PDE10A: variants seen among roughly 807,000 people sequenced by gnomAD.
PDE10A encodes cAMP and cAMP-inhibited cGMP 3',5'-cyclic phosphodiesterase 10A.
PDE10A carries 39 observed loss-of-function variants against 97.7 expected under a neutral mutation model. That is an observed-to-expected ratio of 0.40 (90% CI 0.31 to 0.52). The LOEUF (loss-of-function observed/expected upper bound fraction) is 0.52, where lower values mean the gene tolerates loss of function less well. PDE10A is among the 20% of genes least tolerant of loss of function. The pLI is 0.56. For missense variants in PDE10A, 731 were observed against 1,047.8 expected (o/e 0.70, Z 4.17); for synonymous variants, 371 against 376.8 (o/e 0.98, Z 0.18).
intron 1 of PDE10A, among the ~76,000 whole-genome samples, chr6:165,601,625 C>T (rs1786956176): frequency 6.6e-6 from 1 of 152,174 alleles, no homozygotes; most frequent in Admixed American, 6.5e-5. Flanking sequence ...CCACAGCCCC[C>T]TGAAGTTTTC....
chr6:165,649,376 A>G (rs561684572), intron 1 of PDE10A, among the ~76,000 whole-genome samples: 1 of 152,250 alleles, frequency 6.6e-6, no homozygotes, highest in South Asian at 2.1e-4. Context: ...CAGTGAGGGG[A>G]CAGCAAAGAG....
chr6:165,545,335 A>C (rs1583510957), intron 1 of PDE10A: 1 of 372,386 alleles, frequency 2.7e-6, no homozygotes, highest in Non-Finnish European at 5.1e-6. Context: ...AGTCAAAACT[A>C]TATGAGTTAT....
chr6:165,334,110 T>C (rs1365651983), intron 21 of PDE10A, among the ~76,000 whole-genome samples: 1 of 152,250 alleles, frequency 6.6e-6, no homozygotes, highest in African/African-American at 2.4e-5. Flanking sequence ...TATGTTTCCT[T>C]GGACACCGAT....
chr6:165,346,199 T>C (rs373961396), intron 18 of PDE10A, among the ~76,000 whole-genome samples: 8 of 152,106 alleles, frequency 5.3e-5, no homozygotes, highest in African/African-American at 1.2e-4. Context: ...AGATGACTCA[T>C]AGACCTGTGA....
At chr6:165,648,118 T>C (rs1789497740) in intron 1 of PDE10A, among the ~76,000 whole-genome samples, 2 of 152,218 alleles carry the variant, frequency 1.3e-5, no homozygotes, top group Non-Finnish European at 2.9e-5. Context: ...GTTCACGCCA[T>C]TCTCCTGCCT....
intron 1 of PDE10A, among the ~76,000 whole-genome samples, chr6:165,678,014 T>C (rs1289274538): frequency 6.6e-6 from 1 of 151,678 alleles, no homozygotes; most frequent in East Asian, 1.9e-4. Flanking sequence ...TGTGTGTTTG[T>C]GTATGTGTAG....
At chr6:165,715,326 A>T (rs757212987) in intron 1 of PDE10A, among the ~76,000 whole-genome samples, 4 of 152,250 alleles carry the variant, frequency 2.6e-5, no homozygotes, top group Non-Finnish European at 4.4e-5. Flanking sequence ...GATAAAAAAC[A>T]TTAGTCCTAG....
chr6:165,405,086 A>T (rs200870661), intron 13 of PDE10A, among the ~76,000 whole-genome samples: 25 of 118,082 alleles, frequency 2.1e-4, no homozygotes, highest in East Asian at 6.8e-4. Flanking sequence ...GGAACAAATT[A>T]AAAAAAAAAT....
chr6:165,704,679 T>C (rs1791664398), intron 1 of PDE10A, among the ~76,000 whole-genome samples: 1 of 152,240 alleles, frequency 6.6e-6, no homozygotes, highest in African/African-American at 2.4e-5. Context: ...CAGTTAAGTT[T>C]TGTGAGCAGG....
At chr6:165,668,843 G>A (rs1375200868) in intron 1 of PDE10A, among the ~76,000 whole-genome samples, 1 of 152,138 alleles carries the variant, frequency 6.6e-6, no homozygotes, top group Admixed American at 6.5e-5. Context: ...TCACATGGGT[G>A]AAGTGTTCTG....
intron 1 of PDE10A, among the ~76,000 whole-genome samples, chr6:165,585,296 T>G (rs1785842211): frequency 6.6e-6 from 1 of 152,204 alleles, no homozygotes; most frequent in African/African-American, 2.4e-5. Flanking sequence ...GTGCCAAGTT[T>G]ACAGGGGGTG....
chr6:165,608,155 A>G (rs1787313526), intron 1 of PDE10A, among the ~76,000 whole-genome samples: 1 of 150,970 alleles, frequency 6.6e-6, no homozygotes, highest in Non-Finnish European at 1.5e-5. Context: ...GTACATGTGC[A>G]CAACGTGCAG....
chr6:165,336,568 T>C (rs1185155133), intron 20 of PDE10A, among the ~76,000 whole-genome samples: 3 of 151,398 alleles, frequency 2.0e-5, no homozygotes, highest in Non-Finnish European at 1.5e-5. Flanking sequence ...GCTAACAAGG[T>C]GAAACCCCGT....
chr6:165,739,596 A>G lies in PDE10A; in HGVS notation c.-614-196028T>C, dbSNP rs139794137. Among the ~76,000 whole-genome samples the G allele has an allele frequency of 1.7e-3, 254 of 151,968 alleles. 1 individual carries two copies. Among genetic ancestry groups the G allele is most frequent in the African/African-American group, 5.7e-3 (238 of 41,508 alleles). On this transcript the variant is annotated intron_variant, in intron 1 of 19. Transcript: ENST00000366882. ...TCTGGGCTATGATTTTTTTTTTCAT[A>G]TGACCCCAAAATCACAGGCAACAAA...
At chr6:165,691,205 A>C (rs141643641) in intron 1 of PDE10A, among the ~76,000 whole-genome samples, 74 of 115,702 alleles carry the variant, frequency 6.4e-4, no homozygotes, top group African/African-American at 2.5e-3. Context: ...CTCTCTCCCC[A>C]CACACACACA....
rs34975556 is a variant in PDE10A, at chr6:165,367,331, G to GA, written c.2783+11862dup. On this transcript the variant is annotated intron_variant, in intron 18 of 21. Transcript: ENST00000539869. ...AACTACAGATTGGACAGAATATTAG[G>GA]AAAAAAAACAGTGAGATTAGACAGA... 1.7e-3 allele frequency among the ~76,000 whole-genome samples: 252 copies of GA among 150,658 alleles called. 1 individual carries two copies. The highest frequency in any genetic ancestry group is 5.4e-3 in the African/African-American group (223 of 41,034).
intron 1 of PDE10A, among the ~76,000 whole-genome samples, chr6:165,777,319 A>C (rs1778214324): frequency 6.6e-6 from 1 of 152,216 alleles, no homozygotes; most frequent in South Asian, 2.1e-4. Flanking sequence ...TCACGGGAGC[A>C]TCGGGGTGCA....
rs374878571 is a variant in PDE10A at position 165,350,151 on chromosome 6, A to G, written c.2784-6649T>C. Reference sequence around the variant, plus strand: ...ACAGCTTGCATCGTGCACCTGGAAAAGCTGCAGACACTCAATGCCAGCCCA... The same window carrying G: ...ACAGCTTGCATCGTGCACCTGGAAAGGCTGCAGACACTCAATGCCAGCCCA... On this transcript the variant is annotated intron_variant, in intron 18 of 21. Transcript: ENST00000539869. Among the ~76,000 whole-genome samples, 50 of 152,290 alleles carry G rather than the reference A, an allele frequency of 3.3e-4. 1 individual carries two copies. The East Asian group carries it at 7.3e-3, about 22-fold the overall frequency.
chr6:165,707,498 C>T (rs997842374), intron 1 of PDE10A, among the ~76,000 whole-genome samples: 2 of 152,178 alleles, frequency 1.3e-5, no homozygotes, highest in African/African-American at 4.8e-5. Context: ...AACTTAACTA[C>T]GGCAGCCCCA....
Sources: allele counts gnomAD v4.1 joint callset (sites outside exome capture counted in the v4.1 genomes callset), GRCh38; gene constraint gnomAD v4.1.1; transcripts MANE v1.5; gene names NCBI Gene and HGNC (gene_info 2026-07-23, HGNC 2026-07-21).